The following USH2A variants were observed in gnomAD, a reference collection of about 807,000 sequenced individuals.
USH2A encodes Usher syndrome 2A (autosomal recessive, mild).
Under a neutral mutation model 538.9 loss-of-function variants are expected in USH2A, and 443 were observed. The ratio of observed to expected loss-of-function variants is 0.82; its 90% CI spans 0.76 to 0.89. The LOEUF (loss-of-function observed/expected upper bound fraction) is 0.89, where lower values mean the gene tolerates loss of function less well. Among genes scored for constraint, USH2A ranks in the 40% least tolerant of loss-of-function variants. The pLI is 0.00. For missense variants in USH2A, 6,633 were observed against 6,324.8 expected, an observed-to-expected ratio of 1.05 and a Z score of -1.65; for synonymous variants, 2,413 against 2,273.5, an observed-to-expected ratio of 1.06 and a Z score of -1.75.
chr1:215,711,079 C>A (rs1280165778), intron 61 of USH2A, among the ~76,000 whole-genome samples: 1 of 152,018 alleles, frequency 6.6e-6, no homozygotes, highest in Non-Finnish European at 1.5e-5. Context: ...ATGTTATTTA[C>A]AGAAATCAAT....
chr1:216,350,414 T>C (rs2038259685), intron 4 of USH2A, among the ~76,000 whole-genome samples: 1 of 152,140 alleles, frequency 6.6e-6, no homozygotes, highest in African/African-American at 2.4e-5. Context: ...GACAAGGCAA[T>C]TCCCTTCTAC....
At chr1:216,353,048 G>A (rs1285511469) in intron 4 of USH2A, among the ~76,000 whole-genome samples, 1 of 151,956 alleles carries the variant, frequency 6.6e-6, no homozygotes, top group Non-Finnish European at 1.5e-5. Context: ...CCTATGCTGT[G>A]GTAGTGCCAA....
intron 11 of USH2A, among the ~76,000 whole-genome samples, chr1:216,264,699 A>T (rs1443107792): frequency 6.6e-6 from 1 of 152,176 alleles, no homozygotes; most frequent in East Asian, 1.9e-4. Context: ...ATACAGCATG[A>T]TACTGTCGTA....
chr1:215,875,170 CT>C (rs1349194879), intron 43 of USH2A, among the ~76,000 whole-genome samples: 1 of 152,174 alleles, frequency 6.6e-6, no homozygotes, highest in Non-Finnish European at 1.5e-5. Context: ...TTGCAAGACA[CT>C]CCCCCTTGGG....
chr1:215,747,569 C>A (rs1018290244), intron 58 of USH2A, among the ~76,000 whole-genome samples: 1 of 152,092 alleles, frequency 6.6e-6, no homozygotes. Flanking sequence ...AAGTACTGTG[C>A]CAGAGGTAAA....
At chr1:216,259,525 A>G (rs2036325671) in intron 11 of USH2A, among the ~76,000 whole-genome samples, 1 of 152,252 alleles carries the variant, frequency 6.6e-6, no homozygotes, top group South Asian at 2.1e-4. Context: ...AAACTAAGGG[A>G]TAAGTATATT....
chr1:215,928,743 TCA>T (rs1181383073), intron 38 of USH2A, among the ~76,000 whole-genome samples: 2 of 152,124 alleles, frequency 1.3e-5, no homozygotes, highest in African/African-American at 4.8e-5. Flanking sequence ...TGCTGACAAC[TCA>T]CACAATCAGG....
chr1:216,420,123 TG>T (rs2039650728), intron 2 of USH2A, among the ~76,000 whole-genome samples: 1 of 151,834 alleles, frequency 6.6e-6, no homozygotes, highest in Non-Finnish European at 1.5e-5. Context: ...GAAGTGAATT[TG>T]TTTTTATCCC....
intron 21 of USH2A, chr1:216,174,542 G>A (rs1007641202): frequency 3.7e-5 from 36 of 982,588 alleles, no homozygotes; most frequent in Non-Finnish European, 4.2e-5. Flanking sequence ...TTTTTATAGT[G>A]CTTTCACATT....
intron 32 of USH2A, among the ~76,000 whole-genome samples, chr1:216,031,930 T>C (rs147039794): frequency 4.9e-4 from 74 of 152,326 alleles, no homozygotes; most frequent in Middle Eastern, 6.8e-3. Flanking sequence ...CTAAAGCCTG[T>C]GAACATTCTT....
At chr1:216,293,386 A>G (rs888494935) in intron 9 of USH2A, among the ~76,000 whole-genome samples, 5 of 152,166 alleles carry the variant, frequency 3.3e-5, no homozygotes, top group African/African-American at 1.2e-4. Flanking sequence ...AGCTTCCAAC[A>G]TTTTAACTTT....
intron 44 of USH2A, among the ~76,000 whole-genome samples, chr1:215,861,850 T>TG (rs549977024): frequency 3.3e-5 from 4 of 120,554 alleles, no homozygotes; most frequent in East Asian, 6.3e-4. Flanking sequence ...TTTTTTTTTT[T>TG]TTTTTTTTGA....
intron 47 of USH2A, among the ~76,000 whole-genome samples, chr1:215,829,411 T>C (rs778583567): frequency 6.6e-6 from 1 of 152,192 alleles, no homozygotes; most frequent in Non-Finnish European, 1.5e-5. Flanking sequence ...TGTATGTTAT[T>C]GAAATATATG....
At position 216,050,667 on chromosome 1, in the gene USH2A, C is replaced by T. The variant is rs529043127; in HGVS notation, c.6050-2020G>A. Among the ~76,000 whole-genome samples, 11 of 141,402 alleles carry T rather than the reference C, an allele frequency of 7.8e-5. No homozygotes were observed. In the South Asian group the frequency reaches 1.4e-3, roughly 17 times the overall value. The allele number at this position is 141,402 out of a possible 152,430, so 92.8% of individuals were successfully genotyped here. A position where few individuals can be genotyped will look rare whatever the true frequency, so the allele number is the denominator to read the frequency against. The stretch of plus-strand genomic sequence containing the variant: ...TTGCCCAGGCTGGAGTGCTGTGGTG[C>T]GATCTCGGCTCACTGCAAGCTCTGC... On this transcript the variant is annotated intron_variant, in intron 30 of 71. Transcript: ENST00000307340.
At chr1:216,230,891 C>G (rs2035663642) in intron 14 of USH2A, among the ~76,000 whole-genome samples, 1 of 150,286 alleles carries the variant, frequency 6.7e-6, no homozygotes, top group Admixed American at 6.6e-5. Context: ...CTCTCTCTCT[C>G]TCTCTCTCAC....
rs79687934 is a variant in USH2A, at chr1:215,821,224, C to T, written c.9372-4029G>A. ...CCACCAACAGTGTAAATAGAGTTCC[C>T]CTTTCTCCACATCTTCACCAGCATC... is the stretch of plus-strand genomic sequence containing the variant. On this transcript the variant is annotated intron_variant, in intron 47 of 71. Transcript: ENST00000307340. Among the ~76,000 whole-genome samples the T allele has an allele frequency of 4.2e-3, 635 of 151,764 alleles. 7 individuals carry two copies. The highest frequency in any genetic ancestry group is 0.039 in the South Asian group (189 of 4,820).
intron 3 of USH2A, among the ~76,000 whole-genome samples, chr1:216,412,233 A>T (rs2039501141): frequency 6.6e-6 from 1 of 152,170 alleles, no homozygotes; most frequent in Non-Finnish European, 1.5e-5. Context: ...TTTTACTAAA[A>T]GGTCAAGAAT....
At chr1:215,779,188 C>T (rs957190052) in intron 55 of USH2A, among the ~76,000 whole-genome samples, 2 of 152,132 alleles carry the variant, frequency 1.3e-5, no homozygotes, top group Admixed American at 6.5e-5. Flanking sequence ...AGAACCTATT[C>T]GAGCAAGTAA....
At chr1:216,410,996 A>G (rs1183001666) in intron 3 of USH2A, among the ~76,000 whole-genome samples, 1 of 152,138 alleles carries the variant, frequency 6.6e-6, no homozygotes, top group African/African-American at 2.4e-5. Context: ...TTAGGAAAAA[A>G]TAATCTGTGC....
Sources: gnomAD v4.1 joint callset for allele counts (sites outside exome capture counted in the v4.1 genomes callset) on GRCh38, gnomAD v4.1.1 for gene constraint, MANE v1.5 for transcripts, NCBI Gene and HGNC (gene_info 2026-07-23, HGNC 2026-07-21) for gene names.